Variants in GUCA1C observed in about 807,000 individuals in gnomAD.
The protein encoded by GUCA1C is guanylyl cyclase-activating protein 3.
A neutral mutation model predicts 16.2 loss-of-function variants in GUCA1C; 15 were observed. The observed-to-expected ratio is 0.93, with a 90% CI of 0.62 to 1.43. The LOEUF is 1.43. Ranked by LOEUF, GUCA1C falls within the 40% of genes most tolerant of loss-of-function variation. GUCA1C has a pLI of 0.00. For missense variants in GUCA1C, 275 were observed against 244.8 expected (o/e 1.12, Z -0.82); for synonymous variants, 78 against 85.4 (o/e 0.91, Z 0.48).
intron 1 of GUCA1C, among the ~76,000 whole-genome samples, chr3:108,920,940 C>T (rs374926601): frequency 6.6e-6 from 1 of 152,202 alleles, no homozygotes; most frequent in Non-Finnish European, 1.5e-5. Flanking sequence ...TACACTGACA[C>T]ATCATCATCA....
intron 1 of GUCA1C, among the ~76,000 whole-genome samples, chr3:108,937,278 C>T (rs1413070025): frequency 1.3e-5 from 2 of 152,170 alleles, no homozygotes; most frequent in Non-Finnish European, 1.5e-5. Context: ...ACTAATTCTT[C>T]CATTCTCCCC....
chr3:108,916,086 C>A, intron 3 of GUCA1C, 41 bp downstream of exon 3: 1 of 1,610,170 alleles, frequency 6.2e-7, no homozygotes, highest in Non-Finnish European at 8.5e-7. Context: ...CCATCTCCTA[C>A]TTTGTAGGAA....
At chr3:108,926,701 C>T (rs911408166) in intron 1 of GUCA1C, among the ~76,000 whole-genome samples, 34 of 151,692 alleles carry the variant, frequency 2.2e-4, no homozygotes, top group Non-Finnish European at 4.4e-4. Context: ...AGGATGGTCT[C>T]GATCTCCTGA....
intron 1 of GUCA1C, among the ~76,000 whole-genome samples, chr3:108,943,986 A>G (rs1946817454): frequency 6.7e-6 from 1 of 148,822 alleles, no homozygotes; most frequent in Non-Finnish European, 1.5e-5. Context: ...AATTAAATAA[A>G]TAAATATAAT....
At chr3:108,953,421 C>T in intron 1 of GUCA1C, 138 bp downstream of exon 1, 1 of 624,236 alleles carries the variant, frequency 1.6e-6, no homozygotes. Flanking sequence ...TACCTACAAG[C>T]TGTGAGTTGC....
intron 3 of GUCA1C, among the ~76,000 whole-genome samples, chr3:108,911,969 A>G (rs1343996863): frequency 2.0e-3 from 296 of 151,546 alleles, no homozygotes; most frequent in Non-Finnish European, 2.7e-3. Flanking sequence ...AGCCGGGCGT[A>G]GTGGTGGGTG....
Position 108,940,297 on chromosome 3 carries a change from A to C in GUCA1C, c.204+13262T>G, listed in dbSNP as rs541741528. 5.3e-5 allele frequency among the ~76,000 whole-genome samples: 8 copies of C among 152,320 alleles called. No homozygotes were observed. In the East Asian group the frequency reaches 1.5e-3, roughly 29 times the overall value. On this transcript the variant is annotated intron_variant, in intron 1 of 3. Transcript: ENST00000261047. ...ATTGTGGTCACCTTGTAGGCCAGAA[A>C]ACCCAGTACAGCGTTATAGGTTGCA...
chr3:108,938,040 G>A lies in GUCA1C; in HGVS notation c.204+15519C>T, dbSNP rs139251978. ...AGCCGAGATCGCACCACTGCACTCT[G>A]ATAGAGCAAGACTCTGTCTAAAAAA... On this transcript the variant is annotated intron_variant, in intron 1 of 3. Coordinates refer to ENST00000261047, the MANE Select transcript of GUCA1C (RefSeq NM_005459.4). 1.3e-4 allele frequency among the ~76,000 whole-genome samples: 20 copies of A among 151,766 alleles called. No homozygotes were observed. The East Asian group carries it at 3.7e-3, about 28-fold the overall frequency.
At chr3:108,942,134 G>T (rs1261094641) in intron 1 of GUCA1C, among the ~76,000 whole-genome samples, 1 of 152,160 alleles carries the variant, frequency 6.6e-6, no homozygotes, top group Admixed American at 6.5e-5. Context: ...TGTGCCTCAG[G>T]TTCCTCATGT....
chr3:108,947,277 CT>C (rs746183571), intron 1 of GUCA1C, among the ~76,000 whole-genome samples: 1 of 152,060 alleles, frequency 6.6e-6, no homozygotes, highest in Non-Finnish European at 1.5e-5. Context: ...ATTTACTATT[CT>C]TTAAGTAGAA....
At chr3:108,923,594 T>C (rs187529745) in intron 1 of GUCA1C, among the ~76,000 whole-genome samples, 28 of 152,304 alleles carry the variant, frequency 1.8e-4, no homozygotes, top group African/African-American at 6.3e-4. Flanking sequence ...GACGTCTCTA[T>C]ATTTGTTCTT....
At chr3:108,918,437 C>T (rs1946538736) in intron 2 of GUCA1C, among the ~76,000 whole-genome samples, 1 of 152,138 alleles carries the variant, frequency 6.6e-6, no homozygotes, top group South Asian at 2.1e-4. Flanking sequence ...AATGTGCACC[C>T]TTGCTGCCAC....
At chr3:108,948,067 C>A (rs1358935205) in intron 1 of GUCA1C, among the ~76,000 whole-genome samples, 1 of 152,114 alleles carries the variant, frequency 6.6e-6, no homozygotes, top group Admixed American at 6.5e-5. Context: ...GTTCTATGAT[C>A]CTCAGACTGC....
chr3:108,918,368 A>G (rs1003501478), intron 2 of GUCA1C, among the ~76,000 whole-genome samples: 1 of 152,138 alleles, frequency 6.6e-6, no homozygotes, highest in Non-Finnish European at 1.5e-5. Flanking sequence ...TGCCTGATCT[A>G]TGGAAAACAC....
chr3:108,915,666 T>C (rs1414997783), intron 3 of GUCA1C, among the ~76,000 whole-genome samples: 1 of 152,096 alleles, frequency 6.6e-6, no homozygotes, highest in Non-Finnish European at 1.5e-5. Context: ...CCAGAAATGT[T>C]TAGTCCAAAG....
At chr3:108,942,959 A>G (rs972575839) in intron 1 of GUCA1C, among the ~76,000 whole-genome samples, 2 of 152,174 alleles carry the variant, frequency 1.3e-5, no homozygotes, top group African/African-American at 4.8e-5. Flanking sequence ...GTCTCCCCAC[A>G]TTCATAAAGA....
At chr3:108,933,924 C>G (rs1418191020) in intron 1 of GUCA1C, among the ~76,000 whole-genome samples, 2 of 152,144 alleles carry the variant, frequency 1.3e-5, no homozygotes, top group East Asian at 3.9e-4. Flanking sequence ...AGACTTGGAA[C>G]CAACCCAAAT....
At chr3:108,927,406 G>T (rs1456533067) in intron 1 of GUCA1C, among the ~76,000 whole-genome samples, 1 of 150,038 alleles carries the variant, frequency 6.7e-6, no homozygotes, top group African/African-American at 2.5e-5. Flanking sequence ...CAAACTTCTT[G>T]GAGGTTCTGT....
intron 3 of GUCA1C, among the ~76,000 whole-genome samples, chr3:108,913,230 A>AAT (rs57364462): frequency 0.63 from 92,431 of 147,692 alleles, 29,412 homozygotes; most frequent in Middle Eastern, 0.71. Flanking sequence ...TTGAGAAATA[A>AAT]ATATATATAT....
Sources: gnomAD v4.1 joint callset for allele counts (sites outside exome capture counted in the v4.1 genomes callset) on GRCh38, gnomAD v4.1.1 for gene constraint, MANE v1.5 for transcripts, NCBI Gene and HGNC (gene_info 2026-07-23, HGNC 2026-07-21) for gene names.